Variants in NR5A2 observed in about 807,000 individuals in gnomAD.
NR5A2 encodes nuclear receptor subfamily 5 group A member 2, also known as CYP7A promoter-binding factor.
In NR5A2, 26 loss-of-function variants were observed where a neutral mutation model predicts 62.7. The observed-to-expected ratio is 0.41, with a 90% CI of 0.30 to 0.58. The LOEUF is 0.58. Ranked by LOEUF, NR5A2 falls within the 20% of genes least tolerant of loss-of-function variation. The pLI, the probability that NR5A2 is intolerant of heterozygous loss-of-function variation, is 0.22. For missense variants in NR5A2, 541 were observed against 669.1 expected (o/e 0.81, Z 2.11); for synonymous variants, 246 against 241.7 (o/e 1.02, Z -0.16).
intron 7 of NR5A2, among the ~76,000 whole-genome samples, chr1:200,163,918 C>T (rs985020035): frequency 4.6e-5 from 7 of 152,198 alleles, no homozygotes; most frequent in Non-Finnish European, 8.8e-5. Context: ...AATCTCATGT[C>T]GAACTGTAAT....
chr1:200,093,620 T>C (rs936965857), intron 5 of NR5A2, among the ~76,000 whole-genome samples: 2 of 152,224 alleles, frequency 1.3e-5, no homozygotes, highest in Admixed American at 6.5e-5. Context: ...TACGCTTGGT[T>C]ACAAGCTCGT....
intron 5 of NR5A2, among the ~76,000 whole-genome samples, chr1:200,096,809 G>A (rs12024069): frequency 0.036 from 5,497 of 152,238 alleles, 97 homozygotes; most frequent in East Asian, 0.06. Flanking sequence ...ACCATTATAA[G>A]TATTGCAGTG....
chr1:200,110,066 A>G (rs911578489), intron 5 of NR5A2, among the ~76,000 whole-genome samples: 1 of 152,200 alleles, frequency 6.6e-6, no homozygotes, highest in Admixed American at 6.5e-5. Context: ...TGCCTAGCCA[A>G]TAAGTCTTTA....
chr1:200,103,283 T>G (rs1307158955), intron 5 of NR5A2, among the ~76,000 whole-genome samples: 1 of 151,878 alleles, frequency 6.6e-6, no homozygotes, highest in African/African-American at 2.4e-5. Flanking sequence ...GCCACCACGC[T>G]GGGCTAATTT....
At chr1:200,057,637 C>G (rs1662978272) in intron 5 of NR5A2, 1 of 356,242 alleles carries the variant, frequency 2.8e-6, no homozygotes, top group Non-Finnish European at 5.6e-6. Context: ...CACCACAACA[C>G]CCATCTAATT....
At chr1:200,137,800 G>C (rs1458043287) in intron 7 of NR5A2, among the ~76,000 whole-genome samples, 3 of 152,048 alleles carry the variant, frequency 2.0e-5, no homozygotes, top group Non-Finnish European at 2.9e-5. Flanking sequence ...TTTAAAAAAA[G>C]TTTATTGTTG....
chr1:200,156,662 G>C (rs1416315470), intron 7 of NR5A2, among the ~76,000 whole-genome samples: 1 of 152,120 alleles, frequency 6.6e-6, no homozygotes, highest in Non-Finnish European at 1.5e-5. Flanking sequence ...CTCCCAAAGT[G>C]CTGGGATTAC....
chr1:200,153,727 T>C (rs1388762695), intron 7 of NR5A2, among the ~76,000 whole-genome samples: 2 of 151,488 alleles, frequency 1.3e-5, no homozygotes, highest in Non-Finnish European at 2.9e-5. Context: ...GAGACAATAA[T>C]GTATGAGCAA....
intron 5 of NR5A2, among the ~76,000 whole-genome samples, chr1:200,095,874 A>AT (rs1457307753): frequency 6.6e-6 from 1 of 152,056 alleles, no homozygotes; most frequent in Non-Finnish European, 1.5e-5. Flanking sequence ...TTTTTAAAAA[A>AT]TTTTTTGGCA....
At chr1:200,035,544 G>T (rs185681705) in intron 1 of NR5A2, among the ~76,000 whole-genome samples, 1 of 152,168 alleles carries the variant, frequency 6.6e-6, no homozygotes, top group Non-Finnish European at 1.5e-5. Flanking sequence ...CGGGAAGGAG[G>T]GGGTGGGGAG....
chr1:200,150,890 C>T (rs1482342120), intron 7 of NR5A2, among the ~76,000 whole-genome samples: 3 of 152,156 alleles, frequency 2.0e-5, no homozygotes, highest in Non-Finnish European at 4.4e-5. Context: ...AGCCTAATCG[C>T]CTCTTCACTA....
At chr1:200,160,658 T>A (rs1382622520) in intron 7 of NR5A2, among the ~76,000 whole-genome samples, 2 of 151,944 alleles carry the variant, frequency 1.3e-5, no homozygotes. Context: ...AGCGCTCTCT[T>A]GTAAATTTTA....
chr1:200,168,462 C>T (rs1279024442), intron 7 of NR5A2, among the ~76,000 whole-genome samples: 2 of 152,180 alleles, frequency 1.3e-5, no homozygotes, highest in South Asian at 2.1e-4. Context: ...AGCAATCCTC[C>T]ATTTTTGTAG....
In NR5A2 at chr1:200,044,122, A is replaced by C. The variant is rs183816334; in HGVS notation, c.321+230A>C. The C allele has an allele frequency of 6.0e-4, 228 of 378,868 alleles. 1 individual carries two copies. Among genetic ancestry groups the C allele is most frequent in the African/African-American group, 4.5e-3 (220 of 48,744 alleles). The allele number at this position is 378,868 out of a possible 1,614,324, so 23.5% of individuals were successfully genotyped here. A position where few individuals can be genotyped will look rare whatever the true frequency, so the allele number is the denominator to read the frequency against. ...ACTTTGCCAGTCTCATGGTTCTAAA[A>C]TACTTTATTGTAGTAAAGTGATATA... On this transcript the variant is annotated intron_variant, in intron 3 of 7. Transcript: ENST00000367362.
chr1:200,095,851 C>A (rs1665072246), intron 5 of NR5A2, among the ~76,000 whole-genome samples: 1 of 152,062 alleles, frequency 6.6e-6, no homozygotes, highest in South Asian at 2.1e-4. Flanking sequence ...CGCGCCCGGC[C>A]AGCAAGTAAT....
Position 200,147,534 on chromosome 1 carries a change from T to A in NR5A2, c.1379-26429T>A. 1 of 677,318 alleles carries A rather than the reference T, an allele frequency of 1.5e-6. No homozygotes were observed. The highest frequency in any genetic ancestry group is 1.8e-5 in the Admixed American group (1 of 55,586). The allele number at this position is 677,318 out of a possible 1,614,324, so 42.0% of individuals were successfully genotyped here. A position where few individuals can be genotyped will look rare whatever the true frequency, so the allele number is the denominator to read the frequency against. On this transcript the variant is annotated intron_variant, in intron 7 of 7. Transcript: ENST00000367362. The surrounding 1 kb of genome is among the most constrained non-coding windows in gnomAD (Gnocchi z 4.9). ...ATTTCTGCTGCTTTTGCTGTTTCTGTGATTTCCTTGGTTTCTCCATTGGTG... is the reference window on the plus strand; with the variant it reads ...ATTTCTGCTGCTTTTGCTGTTTCTGAGATTTCCTTGGTTTCTCCATTGGTG...
chr1:200,072,406 T>G (rs556040412), intron 5 of NR5A2, among the ~76,000 whole-genome samples: 1 of 152,332 alleles, frequency 6.6e-6, no homozygotes, highest in East Asian at 1.9e-4. Context: ...AGACAAAATT[T>G]GAATGATTTG....
At chr1:200,083,795 C>T (rs1050440980) in intron 5 of NR5A2, among the ~76,000 whole-genome samples, 6 of 151,684 alleles carry the variant, frequency 4.0e-5, no homozygotes, top group Non-Finnish European at 7.4e-5. Flanking sequence ...GGAGAAACCC[C>T]GTCTCTACTA....
intron 7 of NR5A2, among the ~76,000 whole-genome samples, chr1:200,163,030 C>A (rs574949892): frequency 6.6e-6 from 1 of 152,058 alleles, no homozygotes; most frequent in East Asian, 1.9e-4. Context: ...ATTGAACACA[C>A]TGAAATAAAA....
Sources: gnomAD v4.1 joint callset for allele counts (sites outside exome capture counted in the v4.1 genomes callset) on GRCh38, gnomAD v4.1.1 for gene constraint, Gnocchi (gnomAD v3.1) non-coding constraint, MANE v1.5 for transcripts, NCBI Gene and HGNC (gene_info 2026-07-23, HGNC 2026-07-21) for gene names.